Variants in EXOC2 observed in about 807,000 individuals in gnomAD.
The protein encoded by EXOC2 is SEC5-like 1.
EXOC2 carries 70 observed loss-of-function variants against 131.8 expected under a neutral mutation model. That is an observed-to-expected ratio of 0.53 (90% CI 0.44 to 0.65). EXOC2 has a LOEUF of 0.65. Ranked by LOEUF, EXOC2 falls within the 30% of genes least tolerant of loss-of-function variation. The pLI is 0.00. For missense variants in EXOC2, 923 were observed against 1,108.6 expected, an observed-to-expected ratio of 0.83 and a Z score of 2.38; for synonymous variants, 411 against 398.4, an observed-to-expected ratio of 1.03 and a Z score of -0.38.
At chr6:544,518 T>C (rs1467911811) in intron 22 of EXOC2, among the ~76,000 whole-genome samples, 1 of 152,240 alleles carries the variant, frequency 6.6e-6, no homozygotes, top group African/African-American at 2.4e-5. Flanking sequence ...TTATTTATTA[T>C]ATAAAATAGC....
At chr6:684,957 GTTC>G (rs1025556091) in intron 1 of EXOC2, among the ~76,000 whole-genome samples, 6 of 152,150 alleles carry the variant, frequency 3.9e-5, no homozygotes, top group African/African-American at 1.4e-4. Flanking sequence ...GCTCCCAGAT[GTTC>G]TTCTCAGCTA....
In EXOC2 at chr6:617,724, C is replaced by T. The variant is rs1761085461; in HGVS notation, c.648G>A (p.Gln216=). The T allele has an allele frequency of 6.2e-7, 1 of 1,612,178 alleles. No homozygotes were observed. Among genetic ancestry groups the T allele is most frequent in the Non-Finnish European group, 8.5e-7 (1 of 1,179,128 alleles). ...GGATCGCCTTACCTGAGAGGGCATCCTGTGCTTCGAAGAATGTACTGAGAC... is the reference window on the plus strand; with the variant it reads ...GGATCGCCTTACCTGAGAGGGCATCTTGTGCTTCGAAGAATGTACTGAGAC... ...KGGLSTFFEA[Q]DALSAIHQKL... is the part of the protein sequence containing the mutation. The change falls in exon 6 of 28, where the codon CAG becomes CAA. Residue 216 remains glutamine (Q), a synonymous_variant. Coordinates refer to ENST00000230449, the MANE Select transcript of EXOC2 (RefSeq NM_018303.6).
chr6:538,710 G>A (rs1766613728), intron 22 of EXOC2, among the ~76,000 whole-genome samples: 1 of 152,230 alleles, frequency 6.6e-6, no homozygotes, highest in Admixed American at 6.5e-5. Context: ...TTACCAGGGT[G>A]TAAAAGCAAT....
intron 1 of EXOC2, among the ~76,000 whole-genome samples, chr6:687,477 C>T (rs1764717395): frequency 1.3e-5 from 2 of 152,108 alleles, no homozygotes; most frequent in South Asian, 4.1e-4. Flanking sequence ...AGCCACTGAA[C>T]TTATCCTCAA....
chr6:670,496 A>G (rs562004239), intron 1 of EXOC2, among the ~76,000 whole-genome samples: 1 of 152,262 alleles, frequency 6.6e-6, no homozygotes, highest in Admixed American at 6.5e-5. Context: ...TTAATTTAAA[A>G]AAAAAAAAGG....
At chr6:688,759 G>C (rs1473704214) in intron 1 of EXOC2, among the ~76,000 whole-genome samples, 1 of 152,036 alleles carries the variant, frequency 6.6e-6, no homozygotes, top group African/African-American at 2.4e-5. Flanking sequence ...AATCCCCTCT[G>C]CACCTTTCTT....
chr6:622,367 A>G (rs1259905746), intron 4 of EXOC2, among the ~76,000 whole-genome samples: 6 of 152,216 alleles, frequency 3.9e-5, no homozygotes, highest in Non-Finnish European at 8.8e-5. Flanking sequence ...ACCTAAGGAC[A>G]CAGCTGAGAA....
chr6:690,625 C>G (rs924681878), intron 1 of EXOC2, among the ~76,000 whole-genome samples: 4 of 152,180 alleles, frequency 2.6e-5, no homozygotes, highest in African/African-American at 9.7e-5. Flanking sequence ...ATGGCGTGAA[C>G]CCGGGAGGCA....
chr6:487,935 T>C (rs1295000586), intron 27 of EXOC2, among the ~76,000 whole-genome samples: 1 of 152,230 alleles, frequency 6.6e-6, no homozygotes, highest in Non-Finnish European at 1.5e-5. Flanking sequence ...CTGTTCCACA[T>C]ATGAAACGTA....
At position 619,477 on chromosome 6, in the gene EXOC2, C is replaced by A; in HGVS notation, c.489G>T (p.Glu163Asp). Residue 163 changes from glutamate to aspartate, a missense_variant, in exon 5 of 28, where the codon GAG (glutamate) becomes GAT (aspartate). Glu to Asp is a conservative substitution (Grantham distance 45, BLOSUM62 2). Transcript: ENST00000230449. ...TAAGATACCAGGCTGCTGAGAAATT[C>A]TCACTTGTAAAATCAGCACTCATTC... ...FHGMSADFTSENFSAAWYLIE... is the reference protein window; with the variant it reads ...FHGMSADFTSDNFSAAWYLIE... The A allele has an allele frequency of 6.2e-7, 1 of 1,614,052 alleles. No homozygotes were observed. The highest frequency in any genetic ancestry group is 8.5e-7 in the Non-Finnish European group (1 of 1,179,938).
In EXOC2 at chr6:656,338, A is replaced by G. The variant is rs540375906; in HGVS notation, c.-43-18477T>C. 5.9e-5 allele frequency: 96 copies of G among 1,614,072 alleles called. 1 individual carries two copies. The highest frequency in any genetic ancestry group is 8.1e-5 in the Non-Finnish European group (95 of 1,180,038). Reference sequence around the variant, plus strand: ...GGAGGGTTTCCAAGATTTTTAAAATAACTTTGAATGGACACCACCTCCGTC... The same window carrying G: ...GGAGGGTTTCCAAGATTTTTAAAATGACTTTGAATGGACACCACCTCCGTC... On this transcript the variant is annotated intron_variant, in intron 1 of 27. Coordinates refer to ENST00000230449, the MANE Select transcript of EXOC2 (RefSeq NM_018303.6).
intron 23 of EXOC2, among the ~76,000 whole-genome samples, chr6:504,660 CT>C (rs536052207): frequency 1.7e-4 from 26 of 152,292 alleles, no homozygotes; most frequent in Admixed American, 1.5e-3. Flanking sequence ...CACAACTCAG[CT>C]TATCTTTCAG....
rs755723699 is a variant in EXOC2, at chr6:532,682, T to G, written c.2239-72A>C. On this transcript the variant is annotated intron_variant, in intron 22 of 27. Coordinates refer to ENST00000230449, the MANE Select transcript of EXOC2 (RefSeq NM_018303.6). ...GGAAAAAGTAAAATAATGTTAACAA[T>G]AAATACTTCAGACTATAATAAAAGC... 387 of 1,297,724 alleles carry G rather than the reference T, an allele frequency of 3.0e-4. 1 individual carries two copies. The highest frequency in any genetic ancestry group is 3.7e-4 in the Non-Finnish European group (363 of 994,478). The allele number at this position is 1,297,724 out of a possible 1,614,324, so 80.4% of individuals were successfully genotyped here.
At chr6:536,434 C>T (rs1424279904) in intron 22 of EXOC2, among the ~76,000 whole-genome samples, 1 of 152,048 alleles carries the variant, frequency 6.6e-6, no homozygotes, top group African/African-American at 2.4e-5. Context: ...AACTACAAAA[C>T]ACTGCTGAAA....
intron 1 of EXOC2, among the ~76,000 whole-genome samples, chr6:642,591 T>C (rs1325367033): frequency 6.6e-6 from 1 of 152,200 alleles, no homozygotes; most frequent in Non-Finnish European, 1.5e-5. Context: ...AATTAGTAGA[T>C]AAGAACTTAA....
Position 564,641 on chromosome 6 carries a change from AG to A in EXOC2, c.1570del (p.Leu524SerfsTer16). The A allele has an allele frequency of 6.2e-7, 1 of 1,611,664 alleles. No homozygotes were observed. Among genetic ancestry groups the A allele is most frequent in the East Asian group, 2.2e-5 (1 of 44,840 alleles). ...VKLTRGALLP[L>X]SIRDGEAKQY... is the part of the protein sequence containing the mutation. The stretch of plus-strand genomic sequence containing the variant: ...CTTGGCTTCCCCATCCCGGATGCTG[AG>A]GGGAAGCAGGGCTCCGCGGGTAAGC... On this transcript the variant is annotated frameshift_variant, in exon 15 of 28. Transcript: ENST00000230449. LOFTEE classifies it high-confidence loss of function.
chr6:680,521 T>C (rs1307379771), intron 1 of EXOC2, among the ~76,000 whole-genome samples: 4 of 152,164 alleles, frequency 2.6e-5, no homozygotes, highest in Non-Finnish European at 5.9e-5. Context: ...AATAAGCATG[T>C]ATATACATGT....
chr6:555,828 T>A, intron 19 of EXOC2, 126 bp downstream of exon 19: 1 of 960,062 alleles, frequency 1.0e-6, no homozygotes, highest in Non-Finnish European at 1.6e-6. Flanking sequence ...AACTATTATG[T>A]ACACAGACAA....
At chr6:617,613 A>G in intron 6 of EXOC2, 98 bp downstream of exon 6, 1 of 1,426,840 alleles carries the variant, frequency 7.0e-7, no homozygotes, top group Non-Finnish European at 9.3e-7. Context: ...CTACTTTGAT[A>G]AAAACAGACC....
Sources: allele counts gnomAD v4.1 joint callset (sites outside exome capture counted in the v4.1 genomes callset), GRCh38; gene constraint gnomAD v4.1.1; transcripts MANE v1.5; gene names NCBI Gene and HGNC (gene_info 2026-07-23, HGNC 2026-07-21).